SYN3: variants seen among roughly 807,000 people sequenced by gnomAD.
SYN3 encodes synapsin-3.
SYN3 carries 35 observed loss-of-function variants against 65.8 expected under a neutral mutation model. That is an observed-to-expected ratio of 0.53 (90% CI 0.41 to 0.70). SYN3 has a LOEUF of 0.70. SYN3 is among the 30% of genes least tolerant of loss of function. The pLI is 0.00. For synonymous variants in SYN3, 270 were observed against 292.9 expected (o/e 0.92, Z 0.80); for missense variants, 680 against 749.0 (o/e 0.91, Z 1.08).
intron 6 of SYN3, among the ~76,000 whole-genome samples, chr22:32,650,512 C>T (rs1366503790): frequency 1.3e-5 from 2 of 152,090 alleles, no homozygotes; most frequent in Admixed American, 6.6e-5. Flanking sequence ...GCGATCCCCT[C>T]ATTTCAGCCT....
intron 6 of SYN3, among the ~76,000 whole-genome samples, chr22:32,737,446 C>G (rs1001936677): frequency 6.6e-6 from 1 of 152,100 alleles, no homozygotes; most frequent in African/African-American, 2.4e-5. Flanking sequence ...AGGTATATCT[C>G]CTAATGCTAT....
At chr22:32,849,605 G>T in intron 6 of SYN3, 2 of 1,396,150 alleles carry the variant, frequency 1.4e-6, no homozygotes, top group Non-Finnish European at 1.0e-6. Flanking sequence ...GGCTAAGGGA[G>T]GCAAAGTGGG....
intron 6 of SYN3, among the ~76,000 whole-genome samples, chr22:32,617,149 A>G (rs1395252036): frequency 6.6e-6 from 1 of 152,212 alleles, no homozygotes; most frequent in East Asian, 1.9e-4. Flanking sequence ...TGTGTTAAAA[A>G]CATTGGCTTG....
intron 6 of SYN3, among the ~76,000 whole-genome samples, chr22:32,830,384 G>C (rs2047537534): frequency 6.6e-6 from 1 of 152,126 alleles, no homozygotes; most frequent in Non-Finnish European, 1.5e-5. Flanking sequence ...CTGAAAAGAA[G>C]TTACATGCTT....
chr22:33,007,284 G>A (rs1488847930), intron 1 of SYN3, among the ~76,000 whole-genome samples: 1 of 152,104 alleles, frequency 6.6e-6, no homozygotes, highest in African/African-American at 2.4e-5. Flanking sequence ...TGACTACAAA[G>A]ATGTACAAGT....
intron 1 of SYN3, among the ~76,000 whole-genome samples, chr22:33,015,862 A>G (rs1052128204): frequency 8.4e-6 from 1 of 119,424 alleles, no homozygotes; most frequent in Non-Finnish European, 1.9e-5. Flanking sequence ...TTTTTTTTTA[A>G]GACAGTTACA....
At chr22:32,882,071 A>C (rs1277199388) in intron 4 of SYN3, among the ~76,000 whole-genome samples, 1 of 150,784 alleles carries the variant, frequency 6.6e-6, no homozygotes, top group African/African-American at 2.4e-5. Flanking sequence ...AAAAAAAAGG[A>C]ACCTCGAGGG....
chr22:32,536,900 A>G (rs966002597), intron 9 of SYN3, among the ~76,000 whole-genome samples: 1 of 152,090 alleles, frequency 6.6e-6, no homozygotes, highest in Non-Finnish European at 1.5e-5. Context: ...GCGCAAACCA[A>G]TTTGGTTTGT....
chr22:32,919,865 CCA>C, intron 4 of SYN3, among the ~76,000 whole-genome samples: 1 of 152,232 alleles, frequency 6.6e-6, no homozygotes, highest in East Asian at 1.9e-4. Context: ...CACAGTTTGC[CCA>C]TCTGTAAAAT....
chr22:32,635,136 C>T (rs1051029454), intron 6 of SYN3: 2 of 152,088 alleles, frequency 1.3e-5, no homozygotes, highest in East Asian at 1.9e-4. Flanking sequence ...TAACCAGGCC[C>T]GACCCTGCTT....
At chr22:32,943,676 C>T (rs973379364) in intron 3 of SYN3, among the ~76,000 whole-genome samples, 3 of 152,268 alleles carry the variant, frequency 2.0e-5, no homozygotes, top group Admixed American at 2.0e-4. Context: ...AGTCAAGACC[C>T]ATCAGTGTGC....
At chr22:32,589,218 C>G (rs1474596637) in intron 7 of SYN3, among the ~76,000 whole-genome samples, 1 of 152,188 alleles carries the variant, frequency 6.6e-6, no homozygotes, top group Non-Finnish European at 1.5e-5. Context: ...AGCCAAGAAC[C>G]TTCCCAGGCT....
intron 6 of SYN3, among the ~76,000 whole-genome samples, chr22:32,705,331 T>C (rs779652755): frequency 6.6e-6 from 1 of 152,326 alleles, no homozygotes; most frequent in African/African-American, 2.4e-5. Context: ...CCATTGCTTG[T>C]TTTTGTTGAC....
At chr22:32,816,784 G>A (rs1372702967) in intron 6 of SYN3, among the ~76,000 whole-genome samples, 1 of 152,168 alleles carries the variant, frequency 6.6e-6, no homozygotes, top group Non-Finnish European at 1.5e-5. Context: ...AATTAAGGTC[G>A]CTTCCCTGGG....
intron 6 of SYN3, among the ~76,000 whole-genome samples, chr22:32,772,346 C>A (rs2045794794): frequency 2.0e-5 from 3 of 149,214 alleles, no homozygotes; most frequent in Non-Finnish European, 4.4e-5. Flanking sequence ...AAATGGAGAA[C>A]CCTGGTGTGA....
intron 6 of SYN3, among the ~76,000 whole-genome samples, chr22:32,829,792 G>T (rs1429822394): frequency 1.3e-5 from 2 of 152,244 alleles, no homozygotes; most frequent in African/African-American, 4.8e-5. Flanking sequence ...CAGAAGGAAG[G>T]TTTGTCAGCG....
chr22:32,526,921 G>A (rs1047307321), intron 12 of SYN3, among the ~76,000 whole-genome samples: 5 of 152,178 alleles, frequency 3.3e-5, no homozygotes, highest in Non-Finnish European at 5.9e-5. Flanking sequence ...GTGCCAGAGC[G>A]AGTGTGCCCA....
At chr22:32,793,483 T>C (rs914934168) in intron 6 of SYN3, among the ~76,000 whole-genome samples, 5 of 152,238 alleles carry the variant, frequency 3.3e-5, no homozygotes, top group East Asian at 1.9e-4. Flanking sequence ...TATCCCACTG[T>C]AGTTCTTTCC....
At chr22:32,520,880 C>T (rs560179080) in intron 12 of SYN3, among the ~76,000 whole-genome samples, 1 of 152,200 alleles carries the variant, frequency 6.6e-6, no homozygotes, top group African/African-American at 2.4e-5. Context: ...CACTCCCCTT[C>T]TCTGGGCTTC....
Sources: gnomAD v4.1 joint callset for allele counts (sites outside exome capture counted in the v4.1 genomes callset) on GRCh38, gnomAD v4.1.1 for gene constraint, MANE v1.5 for transcripts, NCBI Gene and HGNC (gene_info 2026-07-23, HGNC 2026-07-21) for gene names.